The following NEK11 variants were observed in gnomAD, a reference collection of about 807,000 sequenced individuals.
The protein encoded by NEK11 is serine/threonine-protein kinase Nek11.
NEK11 carries 72 observed loss-of-function variants against 80.7 expected under a neutral mutation model. The observed-to-expected ratio is 0.89, with a 90% CI of 0.74 to 1.08. NEK11 has a LOEUF of 1.08. Ranked by LOEUF, NEK11 falls within the 50% of genes least tolerant of loss-of-function variation. The pLI is 0.00. For missense variants in NEK11, 764 were observed against 763.6 expected (o/e 1.00, Z -0.01); for synonymous variants, 251 against 260.7 (o/e 0.96, Z 0.36).
At chr3:131,080,201 T>C (rs936694990) in intron 3 of NEK11, among the ~76,000 whole-genome samples, 7 of 151,956 alleles carry the variant, frequency 4.6e-5, no homozygotes, top group Admixed American at 3.9e-4. Flanking sequence ...GCTGCCCTTA[T>C]AGAACTGTAG....
chr3:131,179,201 C>A (rs1169388794), intron 14 of NEK11, among the ~76,000 whole-genome samples: 1 of 152,218 alleles, frequency 6.6e-6, no homozygotes, highest in Non-Finnish European at 1.5e-5. Context: ...CAGCAGGGAG[C>A]AGCCCTTACC....
intron 15 of NEK11, among the ~76,000 whole-genome samples, chr3:131,238,689 G>T (rs2095473745): frequency 6.6e-6 from 1 of 152,132 alleles, no homozygotes; most frequent in African/African-American, 2.4e-5. Context: ...GTGCTTCACA[G>T]AGAGGGAACA....
At chr3:131,124,356 A>G (rs2082920532) in intron 5 of NEK11, among the ~76,000 whole-genome samples, 1 of 152,202 alleles carries the variant, frequency 6.6e-6, no homozygotes, top group Admixed American at 6.5e-5. Context: ...GGCACACTTG[A>G]ATATTTTTGT....
chr3:131,047,123 T>C (rs1026173664), intron 3 of NEK11, among the ~76,000 whole-genome samples: 7 of 152,340 alleles, frequency 4.6e-5, no homozygotes, highest in African/African-American at 7.2e-5. Flanking sequence ...AGTGTGTCCA[T>C]TTCCAGAAGT....
At chr3:131,163,972 C>A (rs1204900403) in intron 11 of NEK11, among the ~76,000 whole-genome samples, 5 of 152,138 alleles carry the variant, frequency 3.3e-5, no homozygotes, top group Non-Finnish European at 7.4e-5. Flanking sequence ...GAGCCCCAAT[C>A]AAGAACTAGA....
chr3:131,191,670 C>G (rs2093802505), intron 14 of NEK11, among the ~76,000 whole-genome samples: 1 of 151,984 alleles, frequency 6.6e-6, no homozygotes, highest in South Asian at 2.1e-4. Flanking sequence ...ATTATTCTGC[C>G]TACTACAAAT....
At chr3:131,172,208 A>G (rs2092736591) in intron 14 of NEK11, among the ~76,000 whole-genome samples, 1 of 152,206 alleles carries the variant, frequency 6.6e-6, no homozygotes, top group South Asian at 2.1e-4. Context: ...GAGAATGCAG[A>G]GATGGATTTC....
At chr3:131,285,851 G>A (rs1234305290) in intron 17 of NEK11, among the ~76,000 whole-genome samples, 1 of 152,140 alleles carries the variant, frequency 6.6e-6, no homozygotes, top group East Asian at 1.9e-4. Context: ...AGTAATGATG[G>A]GAAGCATCAG....
intron 14 of NEK11, among the ~76,000 whole-genome samples, chr3:131,225,138 C>CCCTGT (rs2095152696): frequency 6.6e-6 from 1 of 152,180 alleles, no homozygotes; most frequent in East Asian, 1.9e-4. Context: ...TTCATGGTAA[C>CCCTGT]AGCCCTGTAC....
intron 17 of NEK11, among the ~76,000 whole-genome samples, chr3:131,312,586 G>A (rs2096792775): frequency 6.6e-6 from 1 of 152,120 alleles, no homozygotes; most frequent in African/African-American, 2.4e-5. Context: ...GCCTGAATCT[G>A]TTTCTTTAGA....
At chr3:131,172,041 A>G (rs921149207) in intron 14 of NEK11, among the ~76,000 whole-genome samples, 27 of 152,332 alleles carry the variant, frequency 1.8e-4, no homozygotes, top group African/African-American at 5.1e-4. Context: ...TTCCAAGTGA[A>G]AAGAGAGGTT....
chr3:131,069,073 AGCCAAACCACTGC>A, intron 3 of NEK11, among the ~76,000 whole-genome samples: 1 of 152,308 alleles, frequency 6.6e-6, no homozygotes, highest in African/African-American at 2.4e-5. Flanking sequence ...CTGTTAAGAC[AGCCAAACCACTGC>A]TATTATAAAC....
intron 16 of NEK11, among the ~76,000 whole-genome samples, chr3:131,261,903 A>C (rs2095929168): frequency 6.6e-6 from 1 of 152,190 alleles, no homozygotes. Flanking sequence ...AAGATGAGCA[A>C]ATTAAAGCCA....
intron 16 of NEK11, among the ~76,000 whole-genome samples, chr3:131,256,434 T>G (rs2108386515): frequency 6.6e-6 from 1 of 152,308 alleles, no homozygotes; most frequent in South Asian, 2.1e-4. Flanking sequence ...TTCTAAAAAC[T>G]TACTCTAACA....
intron 14 of NEK11, among the ~76,000 whole-genome samples, chr3:131,207,737 T>C (rs1052769986): frequency 5.3e-5 from 8 of 152,368 alleles, no homozygotes; most frequent in South Asian, 2.1e-4. Flanking sequence ...CATTTTTTCA[T>C]GTGACTGTTG....
At position 131,203,320 on chromosome 3, in the gene NEK11, A is replaced by G. The variant is rs537251372; in HGVS notation, c.1400-25208A>G. On this transcript the variant is annotated intron_variant, in intron 14 of 17. Coordinates refer to ENST00000383366, the MANE Select transcript of NEK11 (RefSeq NM_024800.5). The stretch of plus-strand genomic sequence containing the variant: ...TGGAAACCATCATTCTCAGCAAACT[A>G]TCGCAAGGACAAAAAACCAAACACC... 3.0e-3 allele frequency among the ~76,000 whole-genome samples: 456 copies of G among 151,774 alleles called. 2 individuals are homozygous for G. The highest frequency in any genetic ancestry group is 0.024 in the Middle Eastern group (7 of 294).
At chr3:131,230,210 A>G (rs2095304074) in intron 15 of NEK11, among the ~76,000 whole-genome samples, 1 of 152,202 alleles carries the variant, frequency 6.6e-6, no homozygotes, top group Non-Finnish European at 1.5e-5. Context: ...AACCACATGA[A>G]TAAAATACTA....
intron 5 of NEK11, among the ~76,000 whole-genome samples, chr3:131,120,005 A>T (rs2082085657): frequency 6.6e-6 from 1 of 152,212 alleles, no homozygotes; most frequent in South Asian, 2.1e-4. Flanking sequence ...TTATGTGTGA[A>T]TTTGATCCTG....
At chr3:131,303,433 T>G (rs984771808) in intron 17 of NEK11, among the ~76,000 whole-genome samples, 2 of 152,206 alleles carry the variant, frequency 1.3e-5, no homozygotes, top group Non-Finnish European at 2.9e-5. Flanking sequence ...CAACGGTCTA[T>G]GTATTTAAGT....
Sources: gnomAD v4.1 joint callset for allele counts (sites outside exome capture counted in the v4.1 genomes callset) on GRCh38, gnomAD v4.1.1 for gene constraint, MANE v1.5 for transcripts, NCBI Gene and HGNC (gene_info 2026-07-23, HGNC 2026-07-21) for gene names.